DNAH14: variants seen among roughly 807,000 people sequenced by gnomAD.
DNAH14 encodes the protein dynein axonemal heavy chain 14.
Under a neutral mutation model 520.9 loss-of-function variants are expected in DNAH14, and 478 were observed. The observed-to-expected ratio is 0.92, with a 90% CI of 0.85 to 0.99. The LOEUF is 0.99. Among genes scored for constraint, DNAH14 ranks in the 50% least tolerant of loss-of-function variants. The pLI, the probability that DNAH14 is intolerant of heterozygous loss-of-function variation, is 0.00. For synonymous variants in DNAH14, 1,581 were observed against 1,757.2 expected (o/e 0.90, Z 2.51); for missense variants, 4,831 against 5,234.5 (o/e 0.92, Z 2.38).
At chr1:224,964,378 T>G in intron 4 of DNAH14, 101 bp from the exon 5 acceptor site, 1 of 1,272,044 alleles carries the variant, frequency 7.9e-7, no homozygotes, top group Non-Finnish European at 1.0e-6. Context: ...TGTTACCATT[T>G]AAATTTTTCT....
chr1:224,960,064 C>A (rs1365274106), intron 3 of DNAH14, 89 bp from the exon 4 acceptor site: 5 of 1,293,740 alleles, frequency 3.9e-6, no homozygotes, highest in Non-Finnish European at 5.2e-6. Flanking sequence ...CTTATATAAT[C>A]ATTAACTGTA....
intron 55 of DNAH14, 69 bp downstream of exon 55, chr1:225,290,151 T>C: frequency 1.8e-6 from 2 of 1,139,448 alleles, no homozygotes; most frequent in South Asian, 5.7e-5. Context: ...CCCCAAAAAT[T>C]TAATATTTGA....
In DNAH14 at chr1:225,314,683, C is replaced by T. The variant is rs544781932; in HGVS notation, c.9241-3900C>T. ...CTTGTCTGTAAAGGATTTTATTTCTCCTTCACTTACAAAGCTTAGCTTGGC... is the reference window on the plus strand; with the variant it reads ...CTTGTCTGTAAAGGATTTTATTTCTTCTTCACTTACAAAGCTTAGCTTGGC... On this transcript the variant is annotated intron_variant, in intron 60 of 85. Transcript: ENST00000682510. Among the ~76,000 whole-genome samples, 726 of 152,252 alleles carry T rather than the reference C, an allele frequency of 4.8e-3. 4 individuals carry two copies. Among genetic ancestry groups the T allele is most frequent in the African/African-American group, 0.017 (690 of 41,544 alleles).
At chr1:225,082,789 C>T in intron 20 of DNAH14, 50 bp downstream of exon 20, 1 of 1,439,464 alleles carries the variant, frequency 6.9e-7, no homozygotes, top group Non-Finnish European at 9.4e-7. Flanking sequence ...CCAGATGGGC[C>T]AATTTTAAAT....
At chr1:225,082,314 G>A (rs2148590845) in intron 19 of DNAH14, among the ~76,000 whole-genome samples, 1 of 152,052 alleles carries the variant, frequency 6.6e-6, no homozygotes, top group Admixed American at 6.6e-5. Context: ...GGTTGTGATA[G>A]TTGGGTTTTA....
At chr1:225,367,748 G>A in intron 76 of DNAH14, 57 bp from the exon 77 acceptor site, 1 of 1,253,104 alleles carries the variant, frequency 8.0e-7, no homozygotes, top group African/African-American at 1.5e-5. Context: ...CAAGTGCCCT[G>A]AAGACCAGTG....
rs1476680153 is a variant in DNAH14 at position 225,211,704 on chromosome 1, CA to C, written c.6439+4486del. On this transcript the variant is annotated intron_variant, in intron 41 of 85. Coordinates refer to ENST00000682510, the MANE Select transcript of DNAH14 (RefSeq NM_001367479.1). ...CAAGACACATAATTGTCAGATTCACCAAGGTTGAAATGAAAAAAAATCTTAA... is the reference window on the plus strand; with the variant it reads ...CAAGACACATAATTGTCAGATTCACCAGGTTGAAATGAAAAAAAATCTTAA... Among the ~76,000 whole-genome samples the C allele has an allele frequency of 2.6e-5, 4 of 151,762 alleles. No homozygotes were observed. In the East Asian group the frequency reaches 7.8e-4, roughly 29 times the overall value.
chr1:224,976,845 C>G (rs2061882898), intron 8 of DNAH14, among the ~76,000 whole-genome samples: 1 of 151,820 alleles, frequency 6.6e-6, no homozygotes, highest in African/African-American at 2.4e-5. Context: ...ACAACAGGTG[C>G]TAGAGAGGAT....
At chr1:224,951,841 C>T (rs903402626) in intron 1 of DNAH14, among the ~76,000 whole-genome samples, 3 of 151,974 alleles carry the variant, frequency 2.0e-5, no homozygotes, top group South Asian at 2.1e-4. Flanking sequence ...TTAGTAGAGA[C>T]GGGGTTTCAC....
At chr1:225,082,424 T>C (rs758617930) in intron 19 of DNAH14, 125 bp from the exon 20 acceptor site, 3 of 670,988 alleles carry the variant, frequency 4.5e-6, no homozygotes, top group African/African-American at 3.7e-5. Context: ...TATTTTAATG[T>C]AGTTTAATAA....
intron 64 of DNAH14, among the ~76,000 whole-genome samples, chr1:225,328,868 T>C (rs547156913): frequency 2.7e-4 from 41 of 152,128 alleles, no homozygotes; most frequent in Middle Eastern, 3.4e-3. Context: ...ACATAACACA[T>C]GAAAGTGCAA....
chr1:225,242,355 C>T (rs998682575), intron 43 of DNAH14, among the ~76,000 whole-genome samples: 1 of 151,980 alleles, frequency 6.6e-6, no homozygotes, highest in African/African-American at 2.4e-5. Flanking sequence ...AAAGCAAAAA[C>T]ACATTGTGTA....
At chr1:224,940,889 G>A (rs1474599109) in intron 1 of DNAH14, among the ~76,000 whole-genome samples, 3 of 152,106 alleles carry the variant, frequency 2.0e-5, no homozygotes, top group Non-Finnish European at 4.4e-5. Flanking sequence ...TGGTGTATAT[G>A]TGCCACATTT....
intron 54 of DNAH14, among the ~76,000 whole-genome samples, chr1:225,288,436 T>C (rs2093795635): frequency 6.6e-6 from 1 of 152,108 alleles, no homozygotes. Flanking sequence ...AGAAAAATTA[T>C]TAGGTTAAAA....
chr1:225,107,312 C>T (rs935909635), intron 23 of DNAH14, among the ~76,000 whole-genome samples: 2 of 152,144 alleles, frequency 1.3e-5, no homozygotes, highest in Non-Finnish European at 2.9e-5. Flanking sequence ...TCAGGCTACT[C>T]GGGGATCAGG....
Position 225,192,879 on chromosome 1 carries a change from A to G in DNAH14, c.5854A>G (p.Arg1952Gly). ...GAACACAAAGAAAGACATTGATCTC[A>G]GACTAAAGTCAAGAATCTCAGATTT... ...PKNTKKDIDL[R>G]LKSRISDLSN... is the part of the protein sequence containing the mutation. The change falls in exon 38 of 86, where the codon AGA (arginine) becomes GGA (glycine). Residue 1952 changes from arginine (R) to glycine (G), a missense_variant. Transcript: ENST00000682510. The G allele has an allele frequency of 6.5e-7, 1 of 1,546,848 alleles. No homozygotes were observed. The highest frequency in any genetic ancestry group is 8.7e-7 in the Non-Finnish European group (1 of 1,143,390).
At chr1:225,298,311 C>T (rs537603728) in intron 55 of DNAH14, among the ~76,000 whole-genome samples, 2 of 152,168 alleles carry the variant, frequency 1.3e-5, no homozygotes, top group South Asian at 4.2e-4. Flanking sequence ...TTTCTCAGGT[C>T]CTGGGCATGG....
At chr1:225,342,213 A>C in intron 69 of DNAH14, among the ~76,000 whole-genome samples, 1 of 152,216 alleles carries the variant, frequency 6.6e-6, no homozygotes, top group East Asian at 1.9e-4. Context: ...CAATAGTAAT[A>C]ATAAGAATAT....
intron 11 of DNAH14, among the ~76,000 whole-genome samples, chr1:225,030,048 G>C (rs541384670): frequency 6.6e-6 from 1 of 151,848 alleles, no homozygotes; most frequent in Admixed American, 6.6e-5. Context: ...TACAAAGTAT[G>C]TTCTCCAACC....
Sources: gnomAD v4.1 joint callset for allele counts (sites outside exome capture counted in the v4.1 genomes callset) on GRCh38, gnomAD v4.1.1 for gene constraint, MANE v1.5 for transcripts, NCBI Gene and HGNC (gene_info 2026-07-23, HGNC 2026-07-21) for gene names.